The following CCDC47 variants were observed in gnomAD, a reference collection of about 807,000 sequenced individuals.
CCDC47 encodes the protein PAT complex subunit CCDC47.
A neutral mutation model predicts 60.5 loss-of-function variants in CCDC47; 41 were observed. The observed-to-expected ratio is 0.68, with a 90% CI of 0.53 to 0.88. CCDC47 has a LOEUF of 0.88. Among genes scored for constraint, CCDC47 ranks in the 40% least tolerant of loss-of-function variants. The probability of loss-of-function intolerance (pLI) is 0.00; values close to 1 mark genes in which losing one functional copy is unlikely to be tolerated. For synonymous variants in CCDC47, 195 were observed against 190.7 expected, an observed-to-expected ratio of 1.02 and a Z score of -0.18; for missense variants, 513 against 580.9, an observed-to-expected ratio of 0.88 and a Z score of 1.20.
At chr17:63,751,673 A>G in intron 12 of CCDC47, 1 of 559,994 alleles carries the variant, frequency 1.8e-6, no homozygotes, top group Non-Finnish European at 3.2e-6. Flanking sequence ...GTTTGGCTCG[A>G]AAACTGATAA....
chr17:63,769,745 C>T (rs113140273), intron 1 of CCDC47, among the ~76,000 whole-genome samples: 35,021 of 151,800 alleles, frequency 0.23, 4,215 homozygotes, highest in Middle Eastern at 0.33. Flanking sequence ...ATAAAATACA[C>T]TAACACTAAT....
At position 63,751,041 on chromosome 17, in the gene CCDC47, A is replaced by AT. The variant is rs11322927; in HGVS notation, c.1371+898dup. Among the ~76,000 whole-genome samples, 961 of 143,860 alleles carry AT rather than the reference A, an allele frequency of 6.7e-3. 8 individuals carry two copies. The highest frequency in any genetic ancestry group is 0.016 in the African/African-American group (635 of 39,096). 94.4% of individuals were successfully genotyped at this position (143,860 alleles called of 152,430 possible). On this transcript the variant is annotated intron_variant, in intron 12 of 12. Coordinates refer to ENST00000225726, the MANE Select transcript of CCDC47 (RefSeq NM_020198.3). ...AGGTATGCACCACTATGCACAGCTA[A>AT]TTTTTTTTTTTTTTTACTAGTAGAG... is the stretch of plus-strand genomic sequence containing the variant.
At chr17:63,766,285 C>T (rs896815321) in intron 1 of CCDC47, 91 bp from the exon 2 acceptor site, 6 of 1,221,326 alleles carry the variant, frequency 4.9e-6, no homozygotes, top group Non-Finnish European at 6.7e-6. Flanking sequence ...ACCTCTCCTG[C>T]TTTTCTCTTA....
chr17:63,762,180 A>G lies in CCDC47; in HGVS notation c.548-829T>C, dbSNP rs983169819. 87 of 985,022 alleles carry G rather than the reference A, an allele frequency of 8.8e-5. 1 individual carries two copies. In the African/African-American group the frequency reaches 1.5e-3, roughly 17 times the overall value. The allele number at this position is 985,022 out of a possible 1,614,324, so 61.0% of individuals were successfully genotyped here. A position where few individuals can be genotyped will look rare whatever the true frequency, so the allele number is the denominator to read the frequency against. ...TCAAATTCCAATACTTTCTCTCTTCATTTAATTCATTAAGTATACAAAAGA... is the reference window on the plus strand; with the variant it reads ...TCAAATTCCAATACTTTCTCTCTTCGTTTAATTCATTAAGTATACAAAAGA... On this transcript the variant is annotated intron_variant, in intron 4 of 12. Transcript: ENST00000225726.
chr17:63,758,951 G>T (rs948101135), intron 6 of CCDC47, among the ~76,000 whole-genome samples: 1 of 151,152 alleles, frequency 6.6e-6, no homozygotes, highest in Non-Finnish European at 1.5e-5. Context: ...CTTAGCAGGA[G>T]GAGAGAGAGA....
At chr17:63,754,061 G>A (rs1421231157) in intron 9 of CCDC47, among the ~76,000 whole-genome samples, 1 of 152,098 alleles carries the variant, frequency 6.6e-6, no homozygotes, top group East Asian at 1.9e-4. Context: ...AACCAAGATT[G>A]TGCCACCGCA....
At position 63,746,856 on chromosome 17, in the gene CCDC47, C is replaced by A; in HGVS notation, c.*25G>T. 1 of 1,550,238 alleles carries A rather than the reference C, an allele frequency of 6.5e-7. No homozygotes were observed. The highest frequency in any genetic ancestry group is 8.9e-7 in the Non-Finnish European group (1 of 1,122,058). On this transcript the variant is annotated 3_prime_UTR_variant, in exon 13 of 13. Coordinates refer to ENST00000225726, the MANE Select transcript of CCDC47 (RefSeq NM_020198.3). ...TGAATTCAGAGCTTACAGGTGGCAT[C>A]AGAACTCAAATCTCTGGGATGGCTT...
chr17:63,753,660 A>G (rs980249233), intron 9 of CCDC47: 26 of 980,846 alleles, frequency 2.7e-5, no homozygotes, highest in Non-Finnish European at 3.1e-5. Context: ...AAAGCTAGAA[A>G]CCCTATGGAC....
At chr17:63,772,825 T>A (rs1017314970) in intron 1 of CCDC47, 16 of 152,300 alleles carry the variant, frequency 1.1e-4, no homozygotes, top group African/African-American at 3.9e-4. Flanking sequence ...AGTTCTCAAA[T>A]GCACAAGTCC....
At chr17:63,769,613 CA>C (rs60378449) in intron 1 of CCDC47, among the ~76,000 whole-genome samples, 92 of 99,054 alleles carry the variant, frequency 9.3e-4, no homozygotes, top group Middle Eastern at 6.3e-3. Flanking sequence ...AACTCCATCT[CA>C]AAAAAAAAAA....
chr17:63,746,741 G>A lies in CCDC47; in HGVS notation c.*140C>T. ...TCTGTAAAACCCCAAACCCCAAACA[G>A]AGTAGATGATGAAATAAGGATTTCT... On this transcript the variant is annotated 3_prime_UTR_variant, in exon 13 of 13. Transcript: ENST00000225726. 1 of 669,074 alleles carries A rather than the reference G, an allele frequency of 1.5e-6. No individual in the cohort carries two copies. Among genetic ancestry groups the A allele is most frequent in the South Asian group, 1.9e-5 (1 of 51,624 alleles). 41.4% of individuals were successfully genotyped at this position (669,074 alleles called of 1,614,324 possible).
At chr17:63,772,966 T>A (rs1200547446) in intron 1 of CCDC47, 3 of 152,208 alleles carry the variant, frequency 2.0e-5, no homozygotes, top group African/African-American at 7.2e-5. Flanking sequence ...AGCGACTGAG[T>A]CTAGACTTGA....
Position 63,751,933 on chromosome 17 carries a change from GTC to G in CCDC47, c.1371+5_1371+6del, listed in dbSNP as rs2039169090. On this transcript the variant is annotated splice_donor_5th_base_variant and intron_variant, in intron 12 of 12. Coordinates refer to ENST00000225726, the MANE Select transcript of CCDC47 (RefSeq NM_020198.3). ...GTAGTTTTACCCCAGTGATAAGTTT[GTC>G]TAACCTCCAGCCTGCGCTGTTTCTC... The G allele has an allele frequency of 6.2e-7, 1 of 1,613,532 alleles. No homozygotes were observed. Among genetic ancestry groups the G allele is most frequent in the Non-Finnish European group, 8.5e-7 (1 of 1,179,988 alleles).
At chr17:63,755,370 A>G (rs2039197580) in intron 8 of CCDC47, 1 of 924,372 alleles carries the variant, frequency 1.1e-6, no homozygotes, top group African/African-American at 1.8e-5. Flanking sequence ...CTGTAATCCA[A>G]GCGCTTTGGG....
intron 6 of CCDC47, 36 bp from the exon 7 acceptor site, chr17:63,756,606 T>C: frequency 2.1e-6 from 3 of 1,431,592 alleles, no homozygotes; most frequent in Non-Finnish European, 2.9e-6. Context: ...AAAATTCACC[T>C]GTTAGGTTCT....
At position 63,745,438 on chromosome 17, in the gene CCDC47, T is replaced by A. The variant is rs1271050083; in HGVS notation, c.*1443A>T. 2 of 152,332 alleles carry A rather than the reference T, an allele frequency of 1.3e-5. No homozygotes were observed. The highest frequency in any genetic ancestry group is 1.3e-4 in the Admixed American group (2 of 15,286). The allele number at this position is 152,332 out of a possible 1,614,324, so 9.4% of individuals were successfully genotyped here. On this transcript the variant is annotated 3_prime_UTR_variant, in exon 13 of 13. Transcript: ENST00000225726. ...AAGGTTTGTAAAACAAGGCCACTAC[T>A]ATAATTATATAATATTAAAGTAATT... is the stretch of plus-strand genomic sequence containing the variant.
chr17:63,755,293 T>C, intron 8 of CCDC47: 2 of 984,986 alleles, frequency 2.0e-6, no homozygotes, highest in Non-Finnish European at 2.4e-6. Flanking sequence ...AAAAATTAAA[T>C]TTCAATAAGA....
intron 9 of CCDC47, chr17:63,753,173 A>G (rs1163404642): frequency 1.7e-6 from 1 of 583,492 alleles, no homozygotes; most frequent in Non-Finnish European, 2.2e-6. Context: ...CTCCTATTCT[A>G]TCTTCCTATA....
rs555433339 is a variant in CCDC47 at position 63,770,522 on chromosome 17, T to C, written c.-20+2890A>G. Among the ~76,000 whole-genome samples the C allele has an allele frequency of 5.3e-5, 8 of 152,320 alleles. No homozygotes were observed. The East Asian group carries it at 1.5e-3, about 29-fold the overall frequency. On this transcript the variant is annotated intron_variant, in intron 1 of 12. Transcript: ENST00000225726. ...AGCCATAATGCAAGCAATTGAGTAT[T>C]AACGGAAGTGAGAGTATGGCAAAGG...
Sources: gnomAD v4.1 joint callset for allele counts (sites outside exome capture counted in the v4.1 genomes callset) on GRCh38, gnomAD v4.1.1 for gene constraint, MANE v1.5 for transcripts, NCBI Gene and HGNC (gene_info 2026-07-23, HGNC 2026-07-21) for gene names.